Variants in PI4KA observed in about 807,000 individuals in gnomAD.
PI4KA encodes PI4-kinase alpha.
A neutral mutation model predicts 271.4 loss-of-function variants in PI4KA; 122 were observed. The observed-to-expected ratio is 0.45, with a 90% CI of 0.39 to 0.52. The LOEUF is 0.52. PI4KA is among the 20% of genes least tolerant of loss of function. The pLI is 0.00. For missense variants in PI4KA, 1,969 were observed against 2,769.1 expected, an observed-to-expected ratio of 0.71 and a Z score of 6.48; for synonymous variants, 1,041 against 1,078.8, an observed-to-expected ratio of 0.96 and a Z score of 0.69.
intron 19 of PI4KA, chr22:20,784,176 G>C (rs1934020682): frequency 6.2e-7 from 1 of 1,614,058 alleles, no homozygotes; most frequent in Admixed American, 1.7e-5. Context: ...AAGATGTCTG[G>C]GATGAAGACC....
intron 1 of PI4KA, among the ~76,000 whole-genome samples, chr22:20,839,898 CATT>C (rs1168047908): frequency 6.6e-6 from 1 of 152,086 alleles, no homozygotes; most frequent in Non-Finnish European, 1.5e-5. Flanking sequence ...GCTCAATAAA[CATT>C]ATCTATTGTT....
chr22:20,743,857 G>A lies in PI4KA; in HGVS notation c.3456+771C>T, dbSNP rs192306320. ...ATCATGAGGTCAGGAGATCAAGACCGTCCTGGCTAACACAGTGAAACCCCG... is the reference window on the plus strand; with the variant it reads ...ATCATGAGGTCAGGAGATCAAGACCATCCTGGCTAACACAGTGAAACCCCG... On this transcript the variant is annotated intron_variant, in intron 30 of 54. Transcript: ENST00000255882. 1.3e-3 allele frequency among the ~76,000 whole-genome samples: 191 copies of A among 152,004 alleles called. 3 individuals are homozygous for A. The East Asian group carries it at 0.024, about 19-fold the overall frequency.
At chr22:20,725,568 A>G in intron 42 of PI4KA, 1 of 451,514 alleles carries the variant, frequency 2.2e-6, no homozygotes, top group Non-Finnish European at 4.5e-6. Flanking sequence ...CAAAAGGATG[A>G]CCCTGTAAGG....
chr22:20,740,975 A>T (rs1929362661), intron 32 of PI4KA, among the ~76,000 whole-genome samples: 1 of 152,264 alleles, frequency 6.6e-6, no homozygotes, highest in Non-Finnish European at 1.5e-5. Flanking sequence ...AGGAGATCAC[A>T]GGAAGACTGT....
chr22:20,709,795 C>T, intron 53 of PI4KA, 113 bp downstream of exon 53: 1 of 706,948 alleles, frequency 1.4e-6, no homozygotes, highest in Non-Finnish European at 2.5e-6. Flanking sequence ...TCTGAGGTTC[C>T]AAGGAGATGA....
At chr22:20,770,536 A>AG (rs1344588046) in intron 19 of PI4KA, among the ~76,000 whole-genome samples, 39 of 143,636 alleles carry the variant, frequency 2.7e-4, no homozygotes, top group East Asian at 8.2e-4. Context: ...AAAAAAAGAG[A>AG]GAGAGAGAGA....
At chr22:20,749,375 C>T (rs1361950405) in intron 28 of PI4KA, among the ~76,000 whole-genome samples, 1 of 152,272 alleles carries the variant, frequency 6.6e-6, no homozygotes, top group Non-Finnish European at 1.5e-5. Flanking sequence ...TTTCCTCTCA[C>T]ACCCTGTGGC....
intron 19 of PI4KA, among the ~76,000 whole-genome samples, chr22:20,772,683 A>T (rs1932930477): frequency 6.6e-6 from 1 of 152,148 alleles, no homozygotes; most frequent in African/African-American, 2.4e-5. Flanking sequence ...GGGTGCCGAC[A>T]CTCCCAAACA....
rs1927750958 is a variant in PI4KA at position 20,729,466 on chromosome 22, A to G, written c.4529T>C (p.Leu1510Pro). ...GTCTAGTTCCAGTTCCGGGGCTGAC[A>G]GCGGGTTGTACCATGTGATGAGACG... ...IERLITWYNP[L>P]SAPELELDQA... The change falls in exon 39 of 55, where the codon CTG becomes CCG. Residue 1510 changes from leucine to proline, a missense_variant. Physicochemically the swap from Leu to Pro is moderately conservative, Grantham distance 98 (BLOSUM62 -3). This residue lies in a region of PI4KA where 388 missense variants were observed against 521.5 expected (regional missense o/e 0.74). Transcript: ENST00000255882. 19 of 1,608,950 alleles carry G rather than the reference A, an allele frequency of 1.2e-5. No homozygotes were observed. Among genetic ancestry groups the G allele is most frequent in the Non-Finnish European group, 1.5e-5 (18 of 1,177,348 alleles).
At chr22:20,799,353 G>A (rs1401861367) in intron 15 of PI4KA, 77 bp from the exon 16 acceptor site, 7 of 1,292,414 alleles carry the variant, frequency 5.4e-6, no homozygotes, top group Admixed American at 2.6e-5. Context: ...CAGAGACTAC[G>A]ATCTAGACCT....
At chr22:20,754,820 C>T (rs948287066) in intron 23 of PI4KA, among the ~76,000 whole-genome samples, 1 of 152,178 alleles carries the variant, frequency 6.6e-6, no homozygotes, top group Non-Finnish European at 1.5e-5. Flanking sequence ...TGGTAGCGTG[C>T]CACTGTAATC....
At chr22:20,728,945 C>T (rs1178594641) in intron 39 of PI4KA, among the ~76,000 whole-genome samples, 1 of 152,184 alleles carries the variant, frequency 6.6e-6, no homozygotes, top group Non-Finnish European at 1.5e-5. Context: ...TGAAAGGTGA[C>T]ATCCAGGAAC....
chr22:20,788,065 G>C (rs1934384994), intron 19 of PI4KA, among the ~76,000 whole-genome samples: 1 of 152,208 alleles, frequency 6.6e-6, no homozygotes, highest in Admixed American at 6.5e-5. Flanking sequence ...TTCAATCCCT[G>C]GGTAAGACAA....
chr22:20,810,919 C>G, intron 9 of PI4KA, 48 bp downstream of exon 9: 2 of 1,381,138 alleles, frequency 1.4e-6, no homozygotes, highest in Non-Finnish European at 2.1e-6. Context: ...TCTCTACACA[C>G]GTTTAAGTCA....
At position 20,804,306 on chromosome 22, in the gene PI4KA, A is replaced by G. The variant is rs1196156321; in HGVS notation, c.1455T>C (p.Cys485=). The change falls in exon 12 of 55, where the codon TGT becomes TGC. Residue 485 remains cysteine (C), a synonymous_variant. Transcript: ENST00000255882. ...TGGGTTCAGGGAGACTGACCTGCAG[A>G]CAGCAGATCAGCAGGGGCAAGTGAG... ...IIAHLPLLIC[C]LQGLGRLCER... is the part of the protein sequence containing the mutation. The G allele has an allele frequency of 1.2e-6, 2 of 1,606,800 alleles. No individual in the cohort carries two copies. The highest frequency in any genetic ancestry group is 4.5e-5 in the East Asian group (2 of 44,846).
Position 20,818,465 on chromosome 22 carries a change from C to T in PI4KA, c.856+18G>A, listed in dbSNP as rs200716100. 2.4e-5 allele frequency: 38 copies of T among 1,565,274 alleles called. 1 individual carries two copies. The South Asian group carries it at 2.7e-4, about 11-fold the overall frequency. ...CCAAGTATTACGTCAAAATATTCTT[C>T]GGAAAGGTGAAGCCCACCTTCAAAG... On this transcript the variant is annotated intron_variant, in intron 7 of 54. Transcript: ENST00000255882.
In PI4KA at chr22:20,851,045, A is replaced by G. The variant is rs188468265; in HGVS notation, c.156+7525T>C. On this transcript the variant is annotated intron_variant, in intron 1 of 54. Transcript: ENST00000255882. ...GAGTGAAAAAGCAAAACTGTCTCCA[A>G]AAAAATGTAATTTCTATTTTTAAAA... 3.4e-3 allele frequency among the ~76,000 whole-genome samples: 523 copies of G among 152,100 alleles called. 2 individuals carry two copies. The highest frequency in any genetic ancestry group is 0.02 in the Middle Eastern group (6 of 294).
At chr22:20,831,423 T>C (rs1924143548) in intron 3 of PI4KA, among the ~76,000 whole-genome samples, 1 of 151,994 alleles carries the variant, frequency 6.6e-6, no homozygotes, top group Middle Eastern at 3.4e-3. Flanking sequence ...AAAAATTAGC[T>C]GGGCATGGTG....
intron 1 of PI4KA, among the ~76,000 whole-genome samples, chr22:20,846,978 T>C (rs1926349066): frequency 6.6e-6 from 1 of 151,100 alleles, no homozygotes; most frequent in South Asian, 2.1e-4. Flanking sequence ...AAACCCCGTC[T>C]CTACTAAAAA....
Sources: gnomAD v4.1 joint callset for allele counts (sites outside exome capture counted in the v4.1 genomes callset) on GRCh38, gnomAD v4.1.1 for gene constraint, gnomAD v4.1.1 regional missense constraint, MANE v1.5 for transcripts, NCBI Gene and HGNC (gene_info 2026-07-23, HGNC 2026-07-21) for gene names.